Variants in WDR45B observed in about 807,000 individuals in gnomAD.
The protein encoded by WDR45B is WD repeat domain 45B.
In WDR45B, 20 loss-of-function variants were observed where a neutral mutation model predicts 44.6. The observed-to-expected ratio is 0.45, with a 90% CI of 0.32 to 0.65. WDR45B has a LOEUF of 0.65. Ranked by LOEUF, WDR45B falls within the 30% of genes least tolerant of loss-of-function variation. WDR45B has a pLI of 0.05. For synonymous variants in WDR45B, 169 were observed against 164.9 expected (o/e 1.02, Z -0.19); for missense variants, 323 against 430.2 (o/e 0.75, Z 2.20).
intron 2 of WDR45B, among the ~76,000 whole-genome samples, chr17:82,635,273 C>T (rs1024969852): frequency 6.6e-6 from 1 of 151,708 alleles, no homozygotes; most frequent in African/African-American, 2.4e-5. Context: ...TTTAGAAACA[C>T]ATCTGAGTGA....
chr17:82,640,353 C>CTT lies in WDR45B; in HGVS notation c.142+3594_142+3595dup, dbSNP rs1185316610. Among the ~76,000 whole-genome samples, 37 of 140,224 alleles carry CTT rather than the reference C, an allele frequency of 2.6e-4. 1 individual carries two copies. The highest frequency in any genetic ancestry group is 1.8e-3 in the South Asian group (8 of 4,346). 92.0% of individuals were successfully genotyped at this position (140,224 alleles called of 152,430 possible). A position where few individuals can be genotyped will look rare whatever the true frequency, so the allele number is the denominator to read the frequency against. On this transcript the variant is annotated intron_variant, in intron 2 of 9. Transcript: ENST00000392325. ...TGCTGCTCTTCACTGGGATTTTTTT[C>CTT]TTTTTTTTTTTTTTTTAAGACAGAG...
At position 82,648,409 on chromosome 17, in the gene WDR45B, C is replaced by T. The variant is rs975419501; in HGVS notation, c.-69G>A. The T allele has an allele frequency of 1.1e-4, 171 of 1,562,686 alleles. 1 individual carries two copies. The highest frequency in any genetic ancestry group is 2.7e-4 in the East Asian group (11 of 41,266). On this transcript the variant is annotated 5_prime_UTR_variant, in exon 1 of 10. Transcript: ENST00000392325. ...CTCGCTGGGGACGGCGGCCTGGTCC[C>T]TTCGGGCCGGCGCTGAGGCCGCCGC...
chr17:82,633,084 G>A (rs2045788818), intron 2 of WDR45B, among the ~76,000 whole-genome samples: 1 of 150,636 alleles, frequency 6.6e-6, no homozygotes, highest in Admixed American at 6.7e-5. Context: ...AATCGCTTGA[G>A]CCCGGGAGGC....
intron 2 of WDR45B, among the ~76,000 whole-genome samples, chr17:82,640,746 T>C (rs977550645): frequency 2.0e-5 from 3 of 152,152 alleles, no homozygotes; most frequent in Non-Finnish European, 4.4e-5. Context: ...GGCCCTACTG[T>C]ATCCATTTCA....
intron 6 of WDR45B, among the ~76,000 whole-genome samples, chr17:82,621,289 A>C (rs1430785359): frequency 6.6e-6 from 1 of 152,106 alleles, no homozygotes; most frequent in African/African-American, 2.4e-5. Flanking sequence ...TCTGACCTCA[A>C]GTGATCCGCC....
intron 5 of WDR45B, among the ~76,000 whole-genome samples, chr17:82,624,938 G>A (rs187615970): frequency 9.0e-4 from 137 of 152,228 alleles, no homozygotes; most frequent in Non-Finnish European, 1.6e-3. Context: ...TTCTTAAAAC[G>A]AGTCAGTTTT....
intron 3 of WDR45B, 143 bp downstream of exon 3, chr17:82,630,778 G>A (rs1179413065): frequency 9.5e-6 from 8 of 842,686 alleles, no homozygotes; most frequent in South Asian, 2.7e-5. Flanking sequence ...TGCCCTCTTC[G>A]CCTGCTTCCT....
intron 2 of WDR45B, among the ~76,000 whole-genome samples, chr17:82,642,910 T>G (rs561398990): frequency 6.6e-5 from 10 of 152,338 alleles, no homozygotes; most frequent in Non-Finnish European, 1.3e-4. Flanking sequence ...ATCCTGAGAT[T>G]TGCAAGTCAA....
At chr17:82,638,191 CGAGGGAAAGGGAGGG>C in intron 2 of WDR45B, among the ~76,000 whole-genome samples, 1 of 73,328 alleles carries the variant, frequency 1.4e-5, no homozygotes, top group Non-Finnish European at 2.4e-5. Context: ...AGAGGGGAGG[CGAGGGAAAGGGAGGG>C]GAGGGAAAGG....
intron 2 of WDR45B, 82 bp from the exon 3 acceptor site, chr17:82,631,104 C>T: frequency 7.4e-7 from 1 of 1,353,196 alleles, no homozygotes; most frequent in Non-Finnish European, 1.0e-6. Context: ...AAAGTCAAGA[C>T]AGGTAACGCA....
At chr17:82,639,371 G>A (rs1011990306) in intron 2 of WDR45B, among the ~76,000 whole-genome samples, 3 of 151,864 alleles carry the variant, frequency 2.0e-5, no homozygotes, top group Non-Finnish European at 4.4e-5. Context: ...AGTAATATTG[G>A]TATACAGGCA....
intron 7 of WDR45B, among the ~76,000 whole-genome samples, chr17:82,617,707 G>A (rs111314984): frequency 5.9e-5 from 9 of 152,244 alleles, no homozygotes; most frequent in African/African-American, 1.7e-4. Context: ...CCAACATGCC[G>A]CTCAGGGCTG....
chr17:82,640,983 T>TTTTTTA (rs2045907594), intron 2 of WDR45B, among the ~76,000 whole-genome samples: 1 of 150,886 alleles, frequency 6.6e-6, no homozygotes, highest in African/African-American at 2.4e-5. Context: ...TTTTTTTTTT[T>TTTTTTA]GAGACGGAGT....
In WDR45B at chr17:82,648,329, C is replaced by T. The variant is rs200019465; in HGVS notation, c.12G>A (p.Leu4=). Residue 4 remains leucine (L), a synonymous_variant, in exon 1 of 10, where the codon CTG becomes CTA. Transcript: ENST00000392325. MNL[L]PCNPHGNGLL... is the part of the protein sequence containing the mutation. ...GCCCGTTGCCGTGAGGGTTACACGG[C>T]AGGAGGTTCATGGCGCCGCCGTGCT... The T allele has an allele frequency of 4.3e-4, 695 of 1,606,822 alleles. 3 individuals carry two copies. In the African/African-American group the frequency reaches 8.4e-3, roughly 20 times the overall value.
In WDR45B at chr17:82,621,711, G is replaced by A. The variant is rs761949779; in HGVS notation, c.516C>T (p.Ala172=). The stretch of plus-strand genomic sequence containing the variant: ...TGTCCACGGGTGGCTTCTCCGTGCT[G>A]GCCAGGTCCACAAGCTGCACATGGC... ...HTGHVQLVDL[A]STEKPPVDIP... Residue 172 remains alanine, a synonymous_variant, in exon 6 of 10, where the codon GCC becomes GCT. Transcript: ENST00000392325. 124 of 1,614,030 alleles carry A rather than the reference G, an allele frequency of 7.7e-5. No homozygotes were observed. Among genetic ancestry groups the A allele is most frequent in the East Asian group, 2.0e-4 (9 of 44,884 alleles).
intron 2 of WDR45B, among the ~76,000 whole-genome samples, chr17:82,633,227 A>T (rs2045791832): frequency 6.6e-6 from 1 of 152,184 alleles, no homozygotes; most frequent in African/African-American, 2.4e-5. Flanking sequence ...TTTGTGCACC[A>T]AAGGACACAA....
At chr17:82,640,758 A>C (rs936046863) in intron 2 of WDR45B, among the ~76,000 whole-genome samples, 1 of 152,108 alleles carries the variant, frequency 6.6e-6, no homozygotes, top group African/African-American at 2.4e-5. Context: ...TCCATTTCAC[A>C]TTAGGGCCTA....
At chr17:82,632,969 C>T (rs2045787038) in intron 2 of WDR45B, among the ~76,000 whole-genome samples, 1 of 152,004 alleles carries the variant, frequency 6.6e-6, no homozygotes. Context: ...AGGAGTTCGA[C>T]CTGGCCAACA....
At position 82,621,656 on chromosome 17, in the gene WDR45B, T is replaced by G. The variant is rs770969144; in HGVS notation, c.571A>C (p.Ile191Leu). 7.4e-6 allele frequency: 12 copies of G among 1,614,104 alleles called. No homozygotes were observed. Residue 191 changes from isoleucine (I) to leucine (L), a missense_variant, in exon 6 of 10, where the codon ATT becomes CTT. By Grantham distance (5) the Ile-to-Leu change is conservative. Transcript: ENST00000392325. The stretch of plus-strand genomic sequence containing the variant: ...CTTGTTCCCTGCAGGTTGAGTGCAA[T>G]GCAGCTCAGGACACCCTCGTGTGCA... ...IPAHEGVLSC[I>L]ALNLQGTRIA...
Sources: gnomAD v4.1 joint callset for allele counts (sites outside exome capture counted in the v4.1 genomes callset) on GRCh38, gnomAD v4.1.1 for gene constraint, MANE v1.5 for transcripts, NCBI Gene and HGNC (gene_info 2026-07-23, HGNC 2026-07-21) for gene names.